OR51B5: variants seen among roughly 807,000 people sequenced by gnomAD.
The protein encoded by OR51B5 is olfactory receptor family 51 subfamily B member 5.
For synonymous variants in OR51B5, 186 were observed against 144.8 expected (o/e 1.28, Z -2.04); for missense variants, 456 against 374.6 (o/e 1.22, Z -1.79).
At chr11:5,383,212 G>A (rs1397641969) in intron 1 of OR51B5, among the ~76,000 whole-genome samples, 2 of 152,184 alleles carry the variant, frequency 1.3e-5, no homozygotes, top group African/African-American at 4.8e-5. Flanking sequence ...AGATGAAGTA[G>A]AGAGCTTTGG....
exon 1 of OR51B5, chr11:5,343,107 C>A (rs1848925875): frequency 6.2e-7 from 1 of 1,613,260 alleles, no homozygotes; most frequent in Non-Finnish European, 8.5e-7. Context: ...CCAATCTTCA[C>A]TACTCGAGTA....
intron 1 of OR51B5, chr11:5,383,854 C>T (rs551326377): frequency 6.6e-6 from 1 of 152,210 alleles, no homozygotes; most frequent in Non-Finnish European, 1.5e-5. Context: ...TCATCCTTAT[C>T]TATACTCTTC....
intron 1 of OR51B5, among the ~76,000 whole-genome samples, chr11:5,464,989 G>A (rs1051233514): frequency 3.9e-4 from 59 of 151,972 alleles, no homozygotes; most frequent in Admixed American, 1.5e-3. Context: ...GGCGGATCGC[G>A]AGGTCAGGAG....
intron 1 of OR51B5, chr11:5,488,793 G>C (rs1168617731): frequency 6.2e-7 from 1 of 1,613,988 alleles, no homozygotes; most frequent in Admixed American, 1.7e-5. Flanking sequence ...CCCACTTCTG[G>C]ATTGCCATCC....
chr11:5,389,814 G>A (rs571671227), intron 1 of OR51B5: 7 of 1,613,888 alleles, frequency 4.3e-6, no homozygotes, highest in Non-Finnish European at 5.9e-6. Context: ...GTGGCCATCT[G>A]CCACCCTCTG....
chr11:5,373,408 G>C (rs1330118132), intron 1 of OR51B5, among the ~76,000 whole-genome samples: 3 of 152,180 alleles, frequency 2.0e-5, no homozygotes, highest in Non-Finnish European at 2.9e-5. Context: ...CAACACAGAA[G>C]ACGGGTGATT....
chr11:5,367,377 C>G (rs946530705), intron 1 of OR51B5, among the ~76,000 whole-genome samples: 53 of 152,168 alleles, frequency 3.5e-4, no homozygotes, highest in African/African-American at 1.3e-3. Context: ...CAGAACAGTC[C>G]TGAGGACTGC....
At chr11:5,476,583 T>C (rs1351173703) in intron 1 of OR51B5, among the ~76,000 whole-genome samples, 1 of 152,202 alleles carries the variant, frequency 6.6e-6, no homozygotes, top group Non-Finnish European at 1.5e-5. Context: ...CCATCAGTAT[T>C]TCATGTATTT....
intron 1 of OR51B5, among the ~76,000 whole-genome samples, chr11:5,482,732 T>C (rs1201399381): frequency 3.8e-4 from 30 of 79,120 alleles, no homozygotes; most frequent in African/African-American, 1.7e-3. Flanking sequence ...AAGACATTTA[T>C]GCAGCCAAAA....
chr11:5,374,771 G>A (rs28772975), intron 1 of OR51B5, among the ~76,000 whole-genome samples: 40,891 of 151,592 alleles, frequency 0.27, 5,718 homozygotes, highest in African/African-American at 0.33. Flanking sequence ...AGCGAGAAGG[G>A]AAGTTTAGAG....
intron 1 of OR51B5, among the ~76,000 whole-genome samples, chr11:5,477,140 G>A (rs948105677): frequency 1.3e-5 from 2 of 152,192 alleles, no homozygotes; most frequent in South Asian, 4.1e-4. Context: ...TTGTAGTGAT[G>A]GTTTCATGGC....
intron 1 of OR51B5, among the ~76,000 whole-genome samples, chr11:5,372,269 ATT>A (rs1849459088): frequency 6.6e-6 from 1 of 152,170 alleles, no homozygotes; most frequent in African/African-American, 2.4e-5. Context: ...GATTTTATTT[ATT>A]TTGGATACAT....
At chr11:5,435,544 G>A (rs1001914685) in intron 1 of OR51B5, among the ~76,000 whole-genome samples, 2 of 48,020 alleles carry the variant, frequency 4.2e-5, no homozygotes, top group Admixed American at 2.5e-4. Context: ...CTAGCACAGG[G>A]TCAAATACCT....
rs543828502 is a variant in OR51B5, at chr11:5,422,996, T to C, written n.85-76086A>G. On this transcript the variant is annotated intron_variant and non_coding_transcript_variant, in intron 1 of 4. Coordinates refer to the OR51B5 transcript ENST00000415970. ...GGTTGGTGTATCTATGACTCATCGC[T>C]TTGCCAAGCATGCCTCTCCACTGGT... The C allele has an allele frequency of 1.5e-5, 24 of 1,614,168 alleles. No individual in the cohort carries two copies. In the South Asian group the frequency reaches 2.5e-4, roughly 17 times the overall value.
rs1005713904 is a variant in OR51B5 at position 5,480,685 on chromosome 11, G to A, written n.84+24884C>T. Among the ~76,000 whole-genome samples, 739 of 151,216 alleles carry A rather than the reference G, an allele frequency of 4.9e-3. 6 individuals carry two copies. The highest frequency in any genetic ancestry group is 0.016 in the African/African-American group (668 of 41,240). ...AAATGATAAAGGGGATATCACCACC[G>A]ATCCCACAGAAATACAAACTACCAT... On this transcript the variant is annotated intron_variant and non_coding_transcript_variant, in intron 1 of 4. Coordinates refer to the OR51B5 transcript ENST00000415970.
intron 1 of OR51B5, among the ~76,000 whole-genome samples, chr11:5,474,253 T>C (rs1264923045): frequency 2.6e-5 from 4 of 152,132 alleles, no homozygotes; most frequent in Admixed American, 2.6e-4. Flanking sequence ...TGCCATATCA[T>C]AAAATTATTG....
chr11:5,344,891 C>A (rs955402648), upstream of OR51B5, among the ~76,000 whole-genome samples: 2 of 152,006 alleles, frequency 1.3e-5, no homozygotes, highest in Non-Finnish European at 2.9e-5. Flanking sequence ...GTATTGTATA[C>A]AAGATAGTAT....
chr11:5,469,573 A>C (rs1337473941), intron 1 of OR51B5, among the ~76,000 whole-genome samples: 1 of 151,902 alleles, frequency 6.6e-6, no homozygotes, highest in Non-Finnish European at 1.5e-5. Flanking sequence ...AAGTTCAAAA[A>C]AAACCAGATT....
At position 5,411,606 on chromosome 11, in the gene OR51B5, T is replaced by C. The variant is rs116032701; in HGVS notation, n.85-64696A>G. On this transcript the variant is annotated intron_variant and non_coding_transcript_variant, in intron 1 of 4. Transcript: ENST00000415970. ...AATGTCTCCACCCCTGTAAGAAAAG[T>C]CCACATCCTAATCCCTGGAACTTCT... Among the ~76,000 whole-genome samples the C allele has an allele frequency of 8.5e-3, 1,297 of 152,234 alleles. 20 individuals carry two copies. Among genetic ancestry groups the C allele is most frequent in the African/African-American group, 0.03 (1,242 of 41,532 alleles).
Sources: allele counts gnomAD v4.1 joint callset (sites outside exome capture counted in the v4.1 genomes callset), GRCh38; gene constraint gnomAD v4.1.1; transcripts MANE v1.5; gene names NCBI Gene and HGNC (gene_info 2026-07-23, HGNC 2026-07-21).